Variants in SH3RF1 observed in about 807,000 individuals in gnomAD.
The protein encoded by SH3RF1 is E3 ubiquitin-protein ligase SH3RF1.
Under a neutral mutation model 74.0 loss-of-function variants are expected in SH3RF1, and 32 were observed. The observed-to-expected ratio is 0.43, with a 90% CI of 0.33 to 0.58. The LOEUF (loss-of-function observed/expected upper bound fraction) is 0.58. Among genes scored for constraint, SH3RF1 ranks in the 20% least tolerant of loss-of-function variants. The pLI is 0.05. For synonymous variants in SH3RF1, 396 were observed against 439.6 expected (o/e 0.90, Z 1.24); for missense variants, 954 against 1,130.9 (o/e 0.84, Z 2.24).
intron 4 of SH3RF1, among the ~76,000 whole-genome samples, chr4:169,151,190 G>A (rs943890400): frequency 2.6e-5 from 4 of 152,298 alleles, no homozygotes; most frequent in Admixed American, 6.5e-5. Flanking sequence ...AGACCCTGCG[G>A]AACCGGCCCT....
chr4:169,193,192 G>A (rs114936590), intron 2 of SH3RF1, among the ~76,000 whole-genome samples: 1 of 152,180 alleles, frequency 6.6e-6, no homozygotes, highest in African/African-American at 2.4e-5. Context: ...AGTGCATACT[G>A]CCCAAGTGAT....
At chr4:169,208,535 T>C (rs1285044355) in intron 2 of SH3RF1, among the ~76,000 whole-genome samples, 1 of 152,218 alleles carries the variant, frequency 6.6e-6, no homozygotes, top group East Asian at 1.9e-4. Flanking sequence ...ATAATTGTTT[T>C]CATTCCTAAT....
In SH3RF1 at chr4:169,096,576, T is replaced by G. The variant is rs751517215; in HGVS notation, c.2610A>C (p.Thr870=). 11 of 1,614,094 alleles carry G rather than the reference T, an allele frequency of 6.8e-6. No individual in the cohort carries two copies. In the East Asian group the frequency reaches 2.2e-4, roughly 33 times the overall value. Residue 870 remains threonine, a synonymous_variant, in exon 12 of 12, where the codon ACA becomes ACC. Transcript: ENST00000284637. ...GGCCAGTTTTCCCATTACGTTGTAA[T>G]GTGCCTTTGAACCAGCCATCCTCTC... ...KKREDGWFKG[T]LQRNGKTGLF... is the part of the protein sequence containing the mutation.
At chr4:169,237,262 T>C (rs1370533965) in intron 2 of SH3RF1, among the ~76,000 whole-genome samples, 3 of 152,234 alleles carry the variant, frequency 2.0e-5, no homozygotes, top group South Asian at 2.1e-4. Context: ...TTGAAAGTCA[T>C]ACTTAGACTC....
At chr4:169,222,459 C>T (rs770613716) in intron 2 of SH3RF1, among the ~76,000 whole-genome samples, 6 of 150,654 alleles carry the variant, frequency 4.0e-5, no homozygotes, top group Middle Eastern at 3.5e-3. Flanking sequence ...AGCTGAGACT[C>T]GGTCTAAAAA....
intron 11 of SH3RF1, among the ~76,000 whole-genome samples, chr4:169,097,190 T>C (rs1205655553): frequency 6.6e-6 from 1 of 151,898 alleles, no homozygotes; most frequent in Non-Finnish European, 1.5e-5. Flanking sequence ...GGAAGGTGAG[T>C]CTGGAAGTCT....
In SH3RF1 at chr4:169,096,488, G is replaced by A. The variant is rs916056345; in HGVS notation, c.*31C>T. ...GCTTTGTGCTACTTTGTTGTGTGAA[G>A]TGATTTTAAGCTTCTTCAGTGTCAG... On this transcript the variant is annotated 3_prime_UTR_variant, in exon 12 of 12. Transcript: ENST00000284637. 3 of 1,604,012 alleles carry A rather than the reference G, an allele frequency of 1.9e-6. No individual in the cohort carries two copies. The African/African-American group carries it at 4.0e-5, about 22-fold the overall frequency.
chr4:169,203,603 T>C (rs540492926), intron 2 of SH3RF1, among the ~76,000 whole-genome samples: 3 of 152,228 alleles, frequency 2.0e-5, no homozygotes, highest in African/African-American at 7.2e-5. Context: ...CTGCAATCCC[T>C]ACCAGAAACA....
chr4:169,189,562 G>A (rs530837092), intron 2 of SH3RF1, among the ~76,000 whole-genome samples: 1 of 152,194 alleles, frequency 6.6e-6, no homozygotes, highest in African/African-American at 2.4e-5. Context: ...AAATCATAAA[G>A]TTTCTGTTGC....
At chr4:169,160,697 G>C (rs539855029) in intron 2 of SH3RF1, among the ~76,000 whole-genome samples, 1 of 152,238 alleles carries the variant, frequency 6.6e-6, no homozygotes, top group South Asian at 2.1e-4. Flanking sequence ...TAAAAAGAAG[G>C]CTTCCCACAT....
chr4:169,194,798 A>G (rs184960913), intron 2 of SH3RF1, among the ~76,000 whole-genome samples: 13 of 152,306 alleles, frequency 8.5e-5, no homozygotes, highest in Admixed American at 7.2e-4. Context: ...GTATCAATGC[A>G]TGTTCCCTAC....
At chr4:169,260,702 T>C (rs1298720539) in intron 2 of SH3RF1, among the ~76,000 whole-genome samples, 1 of 152,038 alleles carries the variant, frequency 6.6e-6, no homozygotes, top group African/African-American at 2.4e-5. Flanking sequence ...GAAATATAAA[T>C]AAATAAATAA....
chr4:169,226,479 C>T (rs943655618), intron 2 of SH3RF1, among the ~76,000 whole-genome samples: 2 of 150,766 alleles, frequency 1.3e-5, no homozygotes, highest in African/African-American at 4.9e-5. Context: ...TTTGAGGGAG[C>T]CTGATTTAAA....
chr4:169,147,390 C>T (rs1273826466), intron 4 of SH3RF1, among the ~76,000 whole-genome samples: 1 of 152,118 alleles, frequency 6.6e-6, no homozygotes, highest in Admixed American at 6.5e-5. Context: ...ACAGAAATTC[C>T]ACAGTGATGT....
chr4:169,233,490 C>T (rs1730777120), intron 2 of SH3RF1, among the ~76,000 whole-genome samples: 3 of 152,052 alleles, frequency 2.0e-5, no homozygotes, highest in Admixed American at 2.0e-4. Context: ...TTATTGAAGG[C>T]TTATCACAGG....
At chr4:169,258,610 C>T (rs1731226267) in intron 2 of SH3RF1, among the ~76,000 whole-genome samples, 1 of 152,058 alleles carries the variant, frequency 6.6e-6, no homozygotes. Context: ...ATAATCATCA[C>T]TGTGCATAAA....
At chr4:169,143,367 C>T (rs968278393) in intron 4 of SH3RF1, among the ~76,000 whole-genome samples, 6 of 152,072 alleles carry the variant, frequency 3.9e-5, no homozygotes, top group Non-Finnish European at 5.9e-5. Flanking sequence ...CTTTGAAACC[C>T]GGTGCGAACG....
chr4:169,110,833 T>C (rs917737613), intron 10 of SH3RF1, among the ~76,000 whole-genome samples: 2 of 152,130 alleles, frequency 1.3e-5, no homozygotes, highest in African/African-American at 2.4e-5. Flanking sequence ...CTGACTCATA[T>C]GGAATTAATG....
intron 4 of SH3RF1, among the ~76,000 whole-genome samples, chr4:169,141,713 G>A (rs903297773): frequency 6.7e-6 from 1 of 150,200 alleles, no homozygotes; most frequent in African/African-American, 2.5e-5. Flanking sequence ...TCTCAGCTCA[G>A]TGCAACCTCT....
Sources: gnomAD v4.1 joint callset for allele counts (sites outside exome capture counted in the v4.1 genomes callset) on GRCh38, gnomAD v4.1.1 for gene constraint, MANE v1.5 for transcripts, NCBI Gene and HGNC (gene_info 2026-07-23, HGNC 2026-07-21) for gene names.